TEX26: variants seen among roughly 807,000 people sequenced by gnomAD.
TEX26 encodes the protein testis-expressed protein 26.
A neutral mutation model predicts 35.3 loss-of-function variants in TEX26; 34 were observed. That is an observed-to-expected ratio of 0.96 (90% CI 0.73 to 1.28). The LOEUF (loss-of-function observed/expected upper bound fraction) is 1.28, where lower values mean the gene tolerates loss of function less well. Ranked by LOEUF, TEX26 falls within the 50% of genes most tolerant of loss-of-function variation. TEX26 has a pLI of 0.00. For synonymous variants in TEX26, 136 were observed against 111.8 expected, an observed-to-expected ratio of 1.22 and a Z score of -1.36; for missense variants, 371 against 330.1, an observed-to-expected ratio of 1.12 and a Z score of -0.96.
chr13:30,934,278 C>A (rs1389416803), intron 1 of TEX26, among the ~76,000 whole-genome samples: 3 of 152,212 alleles, frequency 2.0e-5, no homozygotes, highest in Non-Finnish European at 2.9e-5. Flanking sequence ...CTACTCTGTG[C>A]CACTTCATTC....
intron 3 of TEX26, among the ~76,000 whole-genome samples, chr13:30,955,463 T>C (rs572158802): frequency 6.6e-6 from 1 of 152,226 alleles, no homozygotes; most frequent in African/African-American, 2.4e-5. Flanking sequence ...GTATTGGTTT[T>C]TCCAGTTGAT....
chr13:30,956,922 A>G lies in TEX26; in HGVS notation c.362A>G (p.Lys121Arg). 3.1e-6 allele frequency: 5 copies of G among 1,614,248 alleles called. No individual in the cohort carries two copies. The highest frequency in any genetic ancestry group is 4.2e-6 in the Non-Finnish European group (5 of 1,180,024). ...LPHCQQTGTL[K>R]NCLPWKIPAS... The stretch of plus-strand genomic sequence containing the variant: ...CACTGTCAACAAACGGGGACACTAA[A>G]GAACTGCCTCCCTTGGAAAATCCCG... The change falls in exon 4 of 7, where the codon AAG becomes AGG. Residue 121 changes from lysine (K) to arginine (R), a missense_variant. Coordinates refer to ENST00000380473, the MANE Select transcript of TEX26 (RefSeq NM_152325.3).
chr13:30,973,747 T>C (rs1169908015), intron 6 of TEX26, among the ~76,000 whole-genome samples: 1 of 152,140 alleles, frequency 6.6e-6, no homozygotes, highest in Admixed American at 6.6e-5. Flanking sequence ...ACATTGAATA[T>C]GAGCATGACA....
chr13:30,935,852 A>G (rs764421740), intron 1 of TEX26, among the ~76,000 whole-genome samples: 1 of 152,244 alleles, frequency 6.6e-6, no homozygotes, highest in Non-Finnish European at 1.5e-5. Context: ...TGGCAAAGGC[A>G]CTGCAGCCAC....
chr13:30,951,105 T>A (rs1953904868), intron 2 of TEX26, among the ~76,000 whole-genome samples: 1 of 152,112 alleles, frequency 6.6e-6, no homozygotes, highest in African/African-American at 2.4e-5. Context: ...TCCCAGCTAC[T>A]TGGGAGTTTG....
At chr13:30,954,326 G>T (rs997160494) in intron 3 of TEX26, among the ~76,000 whole-genome samples, 4 of 141,590 alleles carry the variant, frequency 2.8e-5, no homozygotes, top group African/African-American at 1.1e-4. Flanking sequence ...ACACATATAT[G>T]TATGTATATA....
At chr13:30,964,410 T>G (rs1174099349) in intron 4 of TEX26, among the ~76,000 whole-genome samples, 2 of 152,228 alleles carry the variant, frequency 1.3e-5, no homozygotes, top group African/African-American at 4.8e-5. Flanking sequence ...TAGATATCTT[T>G]GTATTCACGC....
At chr13:30,955,639 T>C (rs1279333289) in intron 3 of TEX26, among the ~76,000 whole-genome samples, 1 of 152,050 alleles carries the variant, frequency 6.6e-6, no homozygotes, top group African/African-American at 2.4e-5. Flanking sequence ...GTGAAGAGAG[T>C]GCTTTCTTTT....
chr13:30,964,553 T>C (rs536642295), intron 4 of TEX26, among the ~76,000 whole-genome samples: 1 of 152,394 alleles, frequency 6.6e-6, no homozygotes, highest in African/African-American at 2.4e-5. Context: ...AAGCATCAAG[T>C]ATTTCAGTGG....
At chr13:30,956,254 G>C (rs1297783289) in intron 3 of TEX26, among the ~76,000 whole-genome samples, 2 of 147,602 alleles carry the variant, frequency 1.4e-5, no homozygotes, top group Admixed American at 6.9e-5. Flanking sequence ...CTATGAGTGA[G>C]AACATGCGGT....
intron 2 of TEX26, among the ~76,000 whole-genome samples, chr13:30,948,882 T>G (rs1468663150): frequency 1.3e-5 from 2 of 152,240 alleles, no homozygotes; most frequent in Admixed American, 1.3e-4. Context: ...AGGTCTAATA[T>G]GTAAGTCTTT....
At chr13:30,935,992 T>C (rs1366651157) in intron 1 of TEX26, among the ~76,000 whole-genome samples, 1 of 152,204 alleles carries the variant, frequency 6.6e-6, no homozygotes, top group African/African-American at 2.4e-5. Flanking sequence ...ACGAGGATAA[T>C]CCAGGATGAT....
intron 6 of TEX26, among the ~76,000 whole-genome samples, chr13:30,974,156 A>ATATATATATATATATATATATATAT (rs1566172295): frequency 9.8e-5 from 14 of 142,278 alleles, no homozygotes; most frequent in South Asian, 2.3e-4. Flanking sequence ...ATATATATAT[A>ATATATATATATATATATATATATAT]ATTAGGAGTA....
At chr13:30,974,156 A>ATATATATATATATATATATATATATAT (rs1566172295) in intron 6 of TEX26, among the ~76,000 whole-genome samples, 6 of 142,292 alleles carry the variant, frequency 4.2e-5, no homozygotes, top group South Asian at 2.3e-4. Context: ...ATATATATAT[A>ATATATATATATATATATATATATATAT]ATTAGGAGTA....
At chr13:30,951,609 G>A (rs185336862) in intron 2 of TEX26, among the ~76,000 whole-genome samples, 3 of 152,188 alleles carry the variant, frequency 2.0e-5, no homozygotes, top group East Asian at 1.9e-4. Flanking sequence ...ATCATCACTC[G>A]TTAGATACTG....
rs768814345 is a variant in TEX26 at position 30,968,929 on chromosome 13, A to G, written c.691A>G (p.Lys231Glu). 6.2e-6 allele frequency: 10 copies of G among 1,614,136 alleles called. No homozygotes were observed. The highest frequency in any genetic ancestry group is 1.6e-4 in the Middle Eastern group (1 of 6,062). The change falls in exon 6 of 7, where the codon AAG (lysine) becomes GAG (glutamate). Residue 231 changes from lysine to glutamate, a missense_variant. Coordinates refer to ENST00000380473, the MANE Select transcript of TEX26 (RefSeq NM_152325.3). ...HSYLRNQEHT[K>E]KQTTYQSDYD... ...CTACCTGAGGAACCAAGAGCACACA[A>G]AGAAACAGACCACATACCAAAGTGA...
intron 1 of TEX26, chr13:30,933,022 T>G: frequency 7.1e-6 from 3 of 424,210 alleles, no homozygotes; most frequent in Non-Finnish European, 1.3e-5. Flanking sequence ...TTTTAAACAC[T>G]CGAGGAAGTG....
intron 2 of TEX26, 30 bp downstream of exon 2, chr13:30,939,808 A>G (rs765032799): frequency 3.3e-5 from 52 of 1,574,402 alleles, no homozygotes; most frequent in Non-Finnish European, 4.1e-5. Flanking sequence ...GGATTGATAT[A>G]CATGTTTTAA....
intron 1 of TEX26, among the ~76,000 whole-genome samples, chr13:30,935,351 T>A (rs910158603): frequency 6.6e-6 from 1 of 152,236 alleles, no homozygotes; most frequent in Non-Finnish European, 1.5e-5. Context: ...CAGTCAGGAA[T>A]CTGAGTGGGG....
Sources: gnomAD v4.1 joint callset for allele counts (sites outside exome capture counted in the v4.1 genomes callset) on GRCh38, gnomAD v4.1.1 for gene constraint, MANE v1.5 for transcripts, NCBI Gene and HGNC (gene_info 2026-07-23, HGNC 2026-07-21) for gene names.